Variants in NEK7 observed in about 807,000 individuals in gnomAD.
NEK7 encodes NIMA related kinase 7.
In NEK7, 18 loss-of-function variants were observed where a neutral mutation model predicts 44.6. The observed-to-expected ratio is 0.40, with a 90% confidence interval of 0.28 to 0.60. NEK7 has a LOEUF of 0.60. Among genes scored for constraint, NEK7 ranks in the 20% least tolerant of loss-of-function variants. The pLI is 0.38. For synonymous variants in NEK7, 130 were observed against 121.1 expected (o/e 1.07, Z -0.48); for missense variants, 256 against 366.5 (o/e 0.70, Z 2.46).
chr1:198,301,111 A>G (rs947453362), intron 9 of NEK7, among the ~76,000 whole-genome samples: 6 of 152,230 alleles, frequency 3.9e-5, no homozygotes, highest in African/African-American at 1.4e-4. Context: ...AATTTAACTG[A>G]TACTGTTAAA....
rs566599650 is a variant in NEK7, at chr1:198,217,097, A to T, written c.-28-15456A>T. Among the ~76,000 whole-genome samples, 142 of 152,226 alleles carry T rather than the reference A, an allele frequency of 9.3e-4. 2 individuals carry two copies. Among genetic ancestry groups the T allele is most frequent in the Middle Eastern group, 3.4e-3 (1 of 294 alleles). Reference sequence around the variant, plus strand: ...AGAAGGAGAGAATCCTCCTGAACTCATTTTATGAAGCTAGTGTCACCCTGA... The same window carrying T: ...AGAAGGAGAGAATCCTCCTGAACTCTTTTTATGAAGCTAGTGTCACCCTGA... On this transcript the variant is annotated intron_variant, in intron 1 of 9. Transcript: ENST00000367385.
At chr1:198,240,039 T>C (rs1335342370) in intron 2 of NEK7, among the ~76,000 whole-genome samples, 1 of 152,208 alleles carries the variant, frequency 6.6e-6, no homozygotes, top group Non-Finnish European at 1.5e-5. Context: ...TGTAATCTTA[T>C]GGCCAGACAT....
At chr1:198,285,916 A>G (rs1439105762) in intron 7 of NEK7, among the ~76,000 whole-genome samples, 1 of 152,088 alleles carries the variant, frequency 6.6e-6, no homozygotes, top group African/African-American at 2.4e-5. Flanking sequence ...GGTAGTGGTG[A>G]ATGAAGAGTG....
At chr1:198,229,482 T>A (rs1171235829) in intron 1 of NEK7, among the ~76,000 whole-genome samples, 1 of 152,212 alleles carries the variant, frequency 6.6e-6, no homozygotes, top group Non-Finnish European at 1.5e-5. Context: ...AGGCTCGGAC[T>A]GTGACTGGTG....
intron 5 of NEK7, chr1:198,277,641 CTCT>C (rs1654056607): frequency 5.7e-6 from 1 of 176,200 alleles, no homozygotes; most frequent in South Asian, 1.7e-4. Context: ...TTTATTCTGG[CTCT>C]TCTTAAAATC....
At position 198,231,317 on chromosome 1, in the gene NEK7, A is replaced by G. The variant is rs554027003; in HGVS notation, c.-28-1236A>G. Among the ~76,000 whole-genome samples the G allele has an allele frequency of 4.3e-3, 609 of 142,522 alleles. 6 individuals carry two copies. Among genetic ancestry groups the G allele is most frequent in the South Asian group, 0.02 (89 of 4,550 alleles). 93.5% of individuals were successfully genotyped at this position (142,522 alleles called of 152,430 possible). On this transcript the variant is annotated intron_variant, in intron 1 of 9. Transcript: ENST00000367385. ...TGTGTGTGTGTATATATATATATAT[A>G]TATATATATATATATATATAAAAAC...
chr1:198,231,069 G>T (rs891250624), intron 1 of NEK7, among the ~76,000 whole-genome samples: 2 of 151,040 alleles, frequency 1.3e-5, no homozygotes, highest in African/African-American at 4.9e-5. Context: ...TTTACAATTC[G>T]TATTAAAATC....
Position 198,165,437 on chromosome 1 carries a change from G to A in NEK7, c.-29+8161G>A, listed in dbSNP as rs563450210. ...TTCCTTGATCCGTGGGCTGTAGAAT[G>A]GATGTTGTGTCAGTAGGCATGAAAA... is the stretch of plus-strand genomic sequence containing the variant. On this transcript the variant is annotated intron_variant, in intron 1 of 9. Coordinates refer to ENST00000367385, the MANE Select transcript of NEK7 (RefSeq NM_133494.3). Among the ~76,000 whole-genome samples the A allele has an allele frequency of 3.3e-5, 5 of 152,322 alleles. No homozygotes were observed. In the East Asian group the frequency reaches 7.7e-4, roughly 23 times the overall value.
At chr1:198,278,170 G>T in intron 6 of NEK7, 101 bp downstream of exon 6, 1 of 642,620 alleles carries the variant, frequency 1.6e-6, no homozygotes, top group Non-Finnish European at 2.7e-6. Flanking sequence ...ACTTTTTCAG[G>T]TAATTATTTT....
chr1:198,278,162 T>C (rs1402347935), intron 6 of NEK7, 93 bp downstream of exon 6: 6 of 666,642 alleles, frequency 9.0e-6, no homozygotes, highest in Middle Eastern at 4.0e-4. Flanking sequence ...AATACCATAC[T>C]TTTTCAGGTA....
In NEK7 at chr1:198,315,465, A is replaced by G. The variant is rs184934150; in HGVS notation, c.799-3947A>G. On this transcript the variant is annotated intron_variant, in intron 9 of 9. Transcript: ENST00000367385. ...TCGGCCATCTTGGCTCCTCCTCCCC[A>G]TCTATGGTGGGCCTTAGCTTTTCTA... Among the ~76,000 whole-genome samples, 3 of 152,196 alleles carry G rather than the reference A, an allele frequency of 2.0e-5. No homozygotes were observed. The East Asian group carries it at 5.8e-4, about 29-fold the overall frequency.
rs990032894 is a variant in NEK7, at chr1:198,321,184, G to T, written c.*1662G>T. On this transcript the variant is annotated 3_prime_UTR_variant, in exon 10 of 10. Transcript: ENST00000367385. Reference sequence around the variant, plus strand: ...TCAAGCATTTGTAAACTTAAAAAATGTATAAAGGGCAAAAAGTCTGAACCC... The same window carrying T: ...TCAAGCATTTGTAAACTTAAAAAATTTATAAAGGGCAAAAAGTCTGAACCC... 6.6e-6 allele frequency: 1 copy of T among 152,158 alleles called. No homozygotes were observed. Among genetic ancestry groups the T allele is most frequent in the Non-Finnish European group, 1.5e-5 (1 of 68,018 alleles). 9.4% of individuals were successfully genotyped at this position (152,158 alleles called of 1,614,324 possible). A position where few individuals can be genotyped will look rare whatever the true frequency, so the allele number is the denominator to read the frequency against.
chr1:198,302,365 T>A (rs1654914691), intron 9 of NEK7, among the ~76,000 whole-genome samples: 1 of 151,922 alleles, frequency 6.6e-6, no homozygotes, highest in African/African-American at 2.4e-5. Context: ...TTTTTTTTTT[T>A]TTTTAAAGTT....
chr1:198,298,097 C>T (rs1169827793), intron 9 of NEK7, among the ~76,000 whole-genome samples: 1 of 152,172 alleles, frequency 6.6e-6, no homozygotes, highest in Non-Finnish European at 1.5e-5. Context: ...TTATGGAATA[C>T]TCATCAGGGA....
chr1:198,176,503 G>A (rs1664607657), intron 1 of NEK7, among the ~76,000 whole-genome samples: 1 of 152,122 alleles, frequency 6.6e-6, no homozygotes, highest in Non-Finnish European at 1.5e-5. Flanking sequence ...TAGCTGGCAA[G>A]TAAGGAGTGA....
intron 2 of NEK7, among the ~76,000 whole-genome samples, chr1:198,245,591 T>C (rs1666814381): frequency 6.6e-6 from 1 of 152,234 alleles, no homozygotes; most frequent in African/African-American, 2.4e-5. Flanking sequence ...AAGTTCACAG[T>C]GCACTTGGGA....
chr1:198,315,156 C>G (rs972760614), intron 9 of NEK7, among the ~76,000 whole-genome samples: 10 of 152,260 alleles, frequency 6.6e-5, no homozygotes, highest in Admixed American at 5.9e-4. Flanking sequence ...TTTTTAAGCC[C>G]GTCGGAAAAG....
At chr1:198,305,687 C>T (rs1250300234) in intron 9 of NEK7, among the ~76,000 whole-genome samples, 1 of 152,066 alleles carries the variant, frequency 6.6e-6, no homozygotes, top group Non-Finnish European at 1.5e-5. Flanking sequence ...ATTTTGGTGT[C>T]ATCATTTAAA....
chr1:198,287,536 A>T (rs1654412595), intron 7 of NEK7, among the ~76,000 whole-genome samples: 1 of 152,128 alleles, frequency 6.6e-6, no homozygotes, highest in South Asian at 2.1e-4. Context: ...CATTTTTATT[A>T]TAGGTCTTTA....
Sources: gnomAD v4.1 joint callset for allele counts (sites outside exome capture counted in the v4.1 genomes callset) on GRCh38, gnomAD v4.1.1 for gene constraint, MANE v1.5 for transcripts, NCBI Gene and HGNC (gene_info 2026-07-23, HGNC 2026-07-21) for gene names.